The following NRXN2 variants were observed in gnomAD, a reference collection of about 807,000 sequenced individuals.
The protein encoded by NRXN2 is neurexin-2-beta.
In NRXN2, 29 loss-of-function variants were observed where a neutral mutation model predicts 128.8. The ratio of observed to expected loss-of-function variants is 0.23; its 90% CI spans 0.17 to 0.31. The LOEUF (loss-of-function observed/expected upper bound fraction) is 0.31, where lower values mean the gene tolerates loss of function less well. Among genes scored for constraint, NRXN2 ranks in the 10% least tolerant of loss-of-function variants. NRXN2 has a pLI of 1.00. For missense variants in NRXN2, 1,881 were observed against 2,452.6 expected (o/e 0.77, Z 4.92); for synonymous variants, 1,098 against 1,075.2 (o/e 1.02, Z -0.41).
At position 64,714,749 on chromosome 11, in the gene NRXN2, C is replaced by A. The variant is rs2057241096; in HGVS notation, c.-244-806G>T. On this transcript the variant is annotated intron_variant, in intron 1 of 22. Coordinates refer to ENST00000265459, the MANE Select transcript of NRXN2 (RefSeq NM_015080.4). The surrounding 1 kb of genome is among the most constrained non-coding windows in gnomAD (Gnocchi z 4.5). ...CCCCTCAGTTCCCTCTGCCCACCCC[C>A]CACCCAAGATTGGGGGAGCCACCAG... Among the ~76,000 whole-genome samples, 1 of 152,114 alleles carries A rather than the reference C, an allele frequency of 6.6e-6. No individual in the cohort carries two copies. The highest frequency in any genetic ancestry group is 1.5e-5 in the Non-Finnish European group (1 of 68,012).
intron 5 of NRXN2, among the ~76,000 whole-genome samples, chr11:64,686,573 A>AC (rs1327377237): frequency 1.3e-5 from 2 of 152,202 alleles, no homozygotes; most frequent in Non-Finnish European, 2.9e-5. Context: ...GATGCAGGTG[A>AC]CAGGGATATG....
rs1462884772 is a variant in NRXN2 at position 64,630,572 on chromosome 11, T to C, written c.3587A>G (p.Asp1196Gly). 6.2e-7 allele frequency: 1 copy of C among 1,613,840 alleles called. No homozygotes were observed. Residue 1196 changes from aspartate to glycine, a missense_variant and splice_region_variant, in exon 19 of 23, where the codon GAC (aspartate) becomes GGC (glycine). Around this residue, in one of 7 missense-constraint regions of NRXN2, gnomAD observed 390 missense variants for 599.6 expected, o/e 0.65. Transcript: ENST00000265459. The surrounding 1 kb of genome is among the most constrained non-coding windows in gnomAD (Gnocchi z 4.6). ...GLGDYLQLHI[D>G]QGTVGVIFNV... ...AAAGATCACCCCCACGGTGCCCTGG[T>C]CCTGGGGACATGGAGGTGGAGGTCA...
chr11:64,717,162 A>G (rs2057327246), intron 1 of NRXN2, among the ~76,000 whole-genome samples: 1 of 152,132 alleles, frequency 6.6e-6, no homozygotes, highest in South Asian at 2.1e-4. Context: ...ACAAGGCAAC[A>G]GCTCCTCCCC....
At position 64,667,692 on chromosome 11, in the gene NRXN2, C is replaced by A. The variant is rs780834059; in HGVS notation, c.1360-4G>T. On this transcript the variant is annotated splice_region_variant and splice_polypyrimidine_tract_variant and intron_variant, in intron 8 of 22. Coordinates refer to ENST00000265459, the MANE Select transcript of NRXN2 (RefSeq NM_015080.4). The surrounding 1 kb of genome is among the most constrained non-coding windows in gnomAD (Gnocchi z 5.6). ...AGTCATTGTTCTTATAGACCACCTG[C>A]AGGGAGGGGTGGGGTCAGGGATAAA... 33 of 1,613,790 alleles carry A rather than the reference C, an allele frequency of 2.0e-5. No individual in the cohort carries two copies. Among genetic ancestry groups the A allele is most frequent in the Non-Finnish European group, 2.8e-5 (33 of 1,179,998 alleles).
chr11:64,653,787 T>C, intron 11 of NRXN2, 65 bp from the exon 12 acceptor site: 2 of 1,282,824 alleles, frequency 1.6e-6, no homozygotes, highest in South Asian at 1.4e-5. Flanking sequence ...GTTTTTTTTT[T>C]TTTTACATCC....
At chr11:64,619,685 G>A (rs538196178) in intron 22 of NRXN2, among the ~76,000 whole-genome samples, 8 of 152,266 alleles carry the variant, frequency 5.3e-5, no homozygotes, top group Admixed American at 2.6e-4. Context: ...CCACAAGTCT[G>A]GTCTAGGGGG....
chr11:64,642,338 G>T (rs939713288), intron 17 of NRXN2, among the ~76,000 whole-genome samples: 1 of 151,982 alleles, frequency 6.6e-6, no homozygotes, highest in Non-Finnish European at 1.5e-5. Context: ...GGTGATGGGG[G>T]AGAGGAGAGA....
chr11:64,713,335 C>T lies in NRXN2; in HGVS notation c.365G>A (p.Arg122His). ...GCCGTCCACCGCCAGCGCCGTGCGG[C>T]GCGCGTCGCGGGTCAGCAGCACCAT... ...WHMVLLTRDA[R>H]RTALAVDGEA... The change falls in exon 2 of 23, where the codon CGC becomes CAC. Residue 122 changes from arginine (R) to histidine (H), a missense_variant. Physicochemically the swap from Arg to His is conservative, Grantham distance 29. Transcript: ENST00000265459. 17 of 1,375,184 alleles carry T rather than the reference C, an allele frequency of 1.2e-5. No homozygotes were observed. The highest frequency in any genetic ancestry group is 3.3e-5 in the South Asian group (2 of 60,036). The allele number at this position is 1,375,184 out of a possible 1,614,324, so 85.2% of individuals were successfully genotyped here. A position where few individuals can be genotyped will look rare whatever the true frequency, so the allele number is the denominator to read the frequency against.
intron 11 of NRXN2, among the ~76,000 whole-genome samples, chr11:64,654,192 C>T (rs1379110965): frequency 6.6e-6 from 1 of 151,994 alleles, no homozygotes; most frequent in Non-Finnish European, 1.5e-5. Flanking sequence ...ACTTGTCACT[C>T]CCTGTTCCCC....
chr11:64,719,251 C>G (rs955701346), intron 1 of NRXN2, among the ~76,000 whole-genome samples: 17 of 152,154 alleles, frequency 1.1e-4, no homozygotes, highest in Non-Finnish European at 2.9e-5. Context: ...ATCACTGCCC[C>G]TTTTACAGAT....
intron 1 of NRXN2, among the ~76,000 whole-genome samples, chr11:64,722,434 T>C (rs1401826398): frequency 6.6e-6 from 1 of 151,976 alleles, no homozygotes; most frequent in East Asian, 1.9e-4. Context: ...CTTCTCCCCT[T>C]GGCTCCCATC....
chr11:64,617,792 T>C (rs1380362234), intron 22 of NRXN2, among the ~76,000 whole-genome samples: 2 of 152,142 alleles, frequency 1.3e-5, no homozygotes, highest in Middle Eastern at 3.2e-3. Context: ...TGGAGTCATT[T>C]TGGTCCTTGC....
intron 11 of NRXN2, among the ~76,000 whole-genome samples, chr11:64,657,715 C>A (rs2048465996): frequency 6.6e-6 from 1 of 152,200 alleles, no homozygotes; most frequent in Non-Finnish European, 1.5e-5. Context: ...CATCCCAACC[C>A]AAGGCTTGGT....
intron 5 of NRXN2, among the ~76,000 whole-genome samples, chr11:64,687,109 C>G (rs1027690615): frequency 2.0e-5 from 3 of 152,210 alleles, no homozygotes; most frequent in Non-Finnish European, 4.4e-5. Context: ...TGGACAGGTG[C>G]AGGGCAAACA....
intron 6 of NRXN2, among the ~76,000 whole-genome samples, chr11:64,680,282 G>A (rs2052027484): frequency 6.6e-6 from 1 of 152,168 alleles, no homozygotes; most frequent in African/African-American, 2.4e-5. Context: ...AATCTGGGGT[G>A]AAGACAATCT....
chr11:64,618,303 G>A (rs1565191664), intron 22 of NRXN2, among the ~76,000 whole-genome samples: 1 of 152,168 alleles, frequency 6.6e-6, no homozygotes, highest in Non-Finnish European at 1.5e-5. Flanking sequence ...ATGCCCCTAC[G>A]TGGTGACCAT....
At position 64,667,681 on chromosome 11, in the gene NRXN2, T is replaced by A; in HGVS notation, c.1367A>T (p.Tyr456Phe). The A allele has an allele frequency of 1.2e-6, 2 of 1,614,060 alleles. No individual in the cohort carries two copies. The highest frequency in any genetic ancestry group is 1.7e-6 in the Non-Finnish European group (2 of 1,180,010). ...NFMGCLKDVV[Y>F]KNNDFKLELS... is the part of the protein sequence containing the mutation. Reference sequence around the variant, plus strand: ...TTCCAATTTGAAGTCATTGTTCTTATAGACCACCTGCAGGGAGGGGTGGGG... The same window carrying A: ...TTCCAATTTGAAGTCATTGTTCTTAAAGACCACCTGCAGGGAGGGGTGGGG... Residue 456 changes from tyrosine (Y) to phenylalanine (F), a missense_variant, in exon 9 of 23, where the codon TAT becomes TTT. Tyr to Phe is a conservative substitution (Grantham distance 22). Around this residue, in one of 7 missense-constraint regions of NRXN2, gnomAD observed 997 missense variants for 1,240.8 expected, o/e 0.80. Coordinates refer to ENST00000265459, the MANE Select transcript of NRXN2 (RefSeq NM_015080.4). The surrounding 1 kb of genome is among the most constrained non-coding windows in gnomAD (Gnocchi z 5.6).
chr11:64,606,387 G>C lies in NRXN2; in HGVS notation c.*809C>G, dbSNP rs1050087902. The C allele has an allele frequency of 1.3e-5, 2 of 152,566 alleles. No homozygotes were observed. The highest frequency in any genetic ancestry group is 6.5e-5 in the Admixed American group (1 of 15,304). The allele number at this position is 152,566 out of a possible 1,614,324, so 9.5% of individuals were successfully genotyped here. Reference sequence around the variant, plus strand: ...CAGCGGGTGCCACAGGCTGCTGCTCGTGGAATCTAGAGTATTTGTCTGTAA... The same window carrying C: ...CAGCGGGTGCCACAGGCTGCTGCTCCTGGAATCTAGAGTATTTGTCTGTAA... On this transcript the variant is annotated 3_prime_UTR_variant, in exon 23 of 23. Coordinates refer to ENST00000265459, the MANE Select transcript of NRXN2 (RefSeq NM_015080.4).
intron 11 of NRXN2, among the ~76,000 whole-genome samples, chr11:64,658,423 T>A (rs1479683255): frequency 6.6e-6 from 1 of 152,196 alleles, no homozygotes; most frequent in African/African-American, 2.4e-5. Flanking sequence ...TCTCCCAGCC[T>A]GCTTTCCCCT....
Sources: gnomAD v4.1 joint callset for allele counts (sites outside exome capture counted in the v4.1 genomes callset) on GRCh38, gnomAD v4.1.1 for gene constraint, gnomAD v4.1.1 regional missense constraint, Gnocchi (gnomAD v3.1) non-coding constraint, MANE v1.5 for transcripts, NCBI Gene and HGNC (gene_info 2026-07-23, HGNC 2026-07-21) for gene names.